The following IL12RB2 variants were observed in gnomAD, a reference collection of about 807,000 sequenced individuals.
IL12RB2 encodes interleukin-12 receptor subunit beta-2.
IL12RB2 carries 82 observed loss-of-function variants against 89.4 expected under a neutral mutation model. That is an observed-to-expected ratio of 0.92 (90% CI 0.77 to 1.10). The LOEUF is 1.10. Among genes scored for constraint, IL12RB2 ranks in the 50% least tolerant of loss-of-function variants. The probability of loss-of-function intolerance (pLI) is 0.00; values close to 1 mark genes in which losing one functional copy is unlikely to be tolerated. For synonymous variants in IL12RB2, 368 were observed against 370.1 expected, an observed-to-expected ratio of 0.99 and a Z score of 0.07; for missense variants, 963 against 1,031.9, an observed-to-expected ratio of 0.93 and a Z score of 0.92.
intron 9 of IL12RB2, among the ~76,000 whole-genome samples, chr1:67,339,904 A>G (rs1659330749): frequency 6.6e-6 from 1 of 152,202 alleles, no homozygotes; most frequent in Non-Finnish European, 1.5e-5. Context: ...ACTGATTGGC[A>G]TGCTCATAAG....
chr1:67,364,317 G>A (rs1662440666), intron 10 of IL12RB2, among the ~76,000 whole-genome samples: 1 of 152,186 alleles, frequency 6.6e-6, no homozygotes, highest in Admixed American at 6.5e-5. Context: ...CTTGAACCCA[G>A]GGGGTGGAGG....
At chr1:67,333,017 T>G (rs577226390) in intron 8 of IL12RB2, among the ~76,000 whole-genome samples, 2 of 152,366 alleles carry the variant, frequency 1.3e-5, no homozygotes, top group African/African-American at 4.8e-5. Context: ...CAACTCATTA[T>G]GGTTATGAAC....
At chr1:67,321,045 C>T (rs1372787494) in intron 3 of IL12RB2, among the ~76,000 whole-genome samples, 1 of 151,700 alleles carries the variant, frequency 6.6e-6, no homozygotes. Context: ...CTTCCTGCCT[C>T]CCGCCGTCCA....
chr1:67,392,888 T>C (rs1484629669), intron 16 of IL12RB2, among the ~76,000 whole-genome samples: 2 of 152,206 alleles, frequency 1.3e-5, no homozygotes, highest in African/African-American at 2.4e-5. Context: ...CCTCCCAAAG[T>C]GTTGGGAGTA....
intron 10 of IL12RB2, among the ~76,000 whole-genome samples, chr1:67,367,009 G>A (rs1010466706): frequency 6.6e-6 from 1 of 152,134 alleles, no homozygotes; most frequent in Non-Finnish European, 1.5e-5. Flanking sequence ...TCAAGGATAG[G>A]AATTTGTCTA....
At chr1:67,371,635 T>G (rs913485576) in intron 11 of IL12RB2, among the ~76,000 whole-genome samples, 1 of 152,156 alleles carries the variant, frequency 6.6e-6, no homozygotes, top group Non-Finnish European at 1.5e-5. Context: ...TCACAAGTAG[T>G]AGAAATCTGA....
chr1:67,381,526 G>T (rs1456530747), intron 14 of IL12RB2, among the ~76,000 whole-genome samples: 2 of 152,146 alleles, frequency 1.3e-5, no homozygotes, highest in Non-Finnish European at 2.9e-5. Context: ...GACTTTGGGA[G>T]GCCGAGGAGG....
chr1:67,328,003 A>G (rs1164475408), intron 5 of IL12RB2, among the ~76,000 whole-genome samples, 197 bp from the exon 6 acceptor site: 1 of 152,240 alleles, frequency 6.6e-6, no homozygotes, highest in Non-Finnish European at 1.5e-5. Flanking sequence ...CAGTTCTACC[A>G]AAAAAGGGAG....
chr1:67,311,057 A>T (rs932715748), intron 1 of IL12RB2, among the ~76,000 whole-genome samples: 5 of 152,084 alleles, frequency 3.3e-5, no homozygotes, highest in Non-Finnish European at 7.4e-5. Flanking sequence ...TTTACAGATG[A>T]AGGAACTTAG....
At chr1:67,346,515 T>G (rs1660260109) in intron 9 of IL12RB2, among the ~76,000 whole-genome samples, 1 of 151,430 alleles carries the variant, frequency 6.6e-6, no homozygotes, top group African/African-American at 2.4e-5. Flanking sequence ...GCCTCTCAAG[T>G]AGCTGTGATT....
At position 67,397,105 on chromosome 1, in the gene IL12RB2, C is replaced by A. The variant is rs1447603924; in HGVS notation, c.*1016C>A. Among the ~76,000 whole-genome samples the A allele has an allele frequency of 2.7e-5, 4 of 147,078 alleles. No homozygotes were observed. The highest frequency in any genetic ancestry group is 7.6e-5 in the African/African-American group (3 of 39,696). ...GTGAGCCACTGCACTCCAGCCTGGGCAACAGAGCAAGACTCTGTCTCAAAA... is the reference window on the plus strand; with the variant it reads ...GTGAGCCACTGCACTCCAGCCTGGGAAACAGAGCAAGACTCTGTCTCAAAA... On this transcript the variant is annotated 3_prime_UTR_variant, in exon 17 of 17. Coordinates refer to ENST00000674203, the MANE Select transcript of IL12RB2 (RefSeq NM_001374259.2).
chr1:67,379,024 C>A (rs937695011), intron 13 of IL12RB2, among the ~76,000 whole-genome samples: 2 of 151,890 alleles, frequency 1.3e-5, no homozygotes, highest in African/African-American at 4.8e-5. Context: ...ATGGTGAAAC[C>A]CCGTTCTACT....
Position 67,386,621 on chromosome 1 carries a change from T to C in IL12RB2, c.1898T>C (p.Ile633Thr), listed in dbSNP as rs776427456. The change falls in exon 15 of 17, where the codon ATT (isoleucine) becomes ACT (threonine). Residue 633 changes from isoleucine (I) to threonine (T), a missense_variant. Transcript: ENST00000674203. ...GCGTTTGTGGCACCAAGCATTTGCA[T>C]TGCTATCATCATGGTGGGCATTTTC... ...WMAFVAPSIC[I>T]AIIMVGIFST... 6 of 1,613,652 alleles carry C rather than the reference T, an allele frequency of 3.7e-6. No homozygotes were observed. The highest frequency in any genetic ancestry group is 2.7e-5 in the African/African-American group (2 of 74,886).
At chr1:67,395,047 C>A (rs946023189) in intron 16 of IL12RB2, among the ~76,000 whole-genome samples, 10 of 152,046 alleles carry the variant, frequency 6.6e-5, no homozygotes, top group Admixed American at 6.6e-5. Context: ...GTGGGTAGAT[C>A]ACTTGAGGTC....
At chr1:67,385,533 C>T (rs1181640353) in intron 14 of IL12RB2, among the ~76,000 whole-genome samples, 1 of 152,204 alleles carries the variant, frequency 6.6e-6, no homozygotes, top group African/African-American at 2.4e-5. Context: ...CATGTTCACA[C>T]ATCTGTATCC....
chr1:67,334,026 A>G (rs1658443131), intron 8 of IL12RB2, among the ~76,000 whole-genome samples: 2 of 152,220 alleles, frequency 1.3e-5, no homozygotes, highest in African/African-American at 4.8e-5. Context: ...GGAGGGGCAG[A>G]GTGGTAAAGG....
intron 10 of IL12RB2, among the ~76,000 whole-genome samples, chr1:67,362,747 T>C (rs1014223427): frequency 6.6e-5 from 10 of 152,026 alleles, no homozygotes; most frequent in South Asian, 2.1e-4. Context: ...CACATAAAGA[T>C]TGAAGAAATT....
At chr1:67,325,541 C>T (rs930100831) in intron 4 of IL12RB2, among the ~76,000 whole-genome samples, 12 of 152,178 alleles carry the variant, frequency 7.9e-5, no homozygotes, top group Non-Finnish European at 1.2e-4. Context: ...GGATTACAGG[C>T]GTGAGCCACC....
chr1:67,313,182 T>C (rs1205881669), intron 1 of IL12RB2, among the ~76,000 whole-genome samples: 1 of 150,882 alleles, frequency 6.6e-6, no homozygotes, highest in Admixed American at 6.6e-5. Flanking sequence ...GTAACTTGAT[T>C]TGATTATCCT....
Sources: gnomAD v4.1 joint callset for allele counts (sites outside exome capture counted in the v4.1 genomes callset) on GRCh38, gnomAD v4.1.1 for gene constraint, MANE v1.5 for transcripts, NCBI Gene and HGNC (gene_info 2026-07-23, HGNC 2026-07-21) for gene names.